MACROD2: variants seen among roughly 807,000 people sequenced by gnomAD.
MACROD2 encodes the protein ADP-ribose glycohydrolase MACROD2.
In MACROD2, 36 loss-of-function variants were observed where a neutral mutation model predicts 70.4. That is an observed-to-expected ratio of 0.51 (90% confidence interval 0.39 to 0.68). The LOEUF is 0.68. Ranked by LOEUF, MACROD2 falls within the 30% of genes least tolerant of loss-of-function variation. The probability of loss-of-function intolerance (pLI) is 0.00; values close to 1 mark genes in which losing one functional copy is unlikely to be tolerated. For missense variants in MACROD2, 496 were observed against 538.4 expected, an observed-to-expected ratio of 0.92 and a Z score of 0.78; for synonymous variants, 172 against 178.8, an observed-to-expected ratio of 0.96 and a Z score of 0.30.
At chr20:15,067,014 G>GA (rs538398938) in intron 5 of MACROD2, among the ~76,000 whole-genome samples, 221 of 151,962 alleles carry the variant, frequency 1.5e-3, no homozygotes, top group African/African-American at 4.8e-3. Context: ...ACAAAGAATG[G>GA]AAAAAAAGTA....
rs979484964 is a variant in MACROD2, at chr20:14,551,567, A to T, written c.301+58059A>T. ...GCCAGGTGGCCTGGTGTACAGATTGATTGAGGGTGATCACTACTGCCCATC... is the reference window on the plus strand; with the variant it reads ...GCCAGGTGGCCTGGTGTACAGATTGTTTGAGGGTGATCACTACTGCCCATC... On this transcript the variant is annotated intron_variant, in intron 4 of 17. Coordinates refer to ENST00000684519, the MANE Select transcript of MACROD2 (RefSeq NM_001351661.2). 1.9e-4 allele frequency among the ~76,000 whole-genome samples: 29 copies of T among 152,172 alleles called. 1 individual carries two copies. The highest frequency in any genetic ancestry group is 4.4e-5 in the Non-Finnish European group (3 of 68,018).
chr20:14,488,500 G>C (rs1167716160), intron 3 of MACROD2, among the ~76,000 whole-genome samples: 2 of 152,096 alleles, frequency 1.3e-5, no homozygotes, highest in Non-Finnish European at 2.9e-5. Context: ...ATTAAGTTAG[G>C]CAATCTTGGG....
chr20:14,573,845 C>T (rs566051292), intron 4 of MACROD2, among the ~76,000 whole-genome samples: 301 of 152,284 alleles, frequency 2.0e-3, no homozygotes, highest in Non-Finnish European at 2.6e-3. Flanking sequence ...CCTTAGTTCA[C>T]TGGTAGGAGC....
intron 3 of MACROD2, among the ~76,000 whole-genome samples, chr20:14,211,167 T>C (rs1385649583): frequency 6.6e-6 from 1 of 152,176 alleles, no homozygotes; most frequent in African/African-American, 2.4e-5. Context: ...AGGAAAGTAA[T>C]TGGGCAAAGA....
At chr20:15,851,558 C>G (rs1025152713) in intron 8 of MACROD2, among the ~76,000 whole-genome samples, 1 of 152,094 alleles carries the variant, frequency 6.6e-6, no homozygotes, top group Non-Finnish European at 1.5e-5. Flanking sequence ...GGCCTATCCC[C>G]GTGACCTCAT....
At chr20:14,923,447 C>G (rs899996230) in intron 5 of MACROD2, among the ~76,000 whole-genome samples, 1 of 152,056 alleles carries the variant, frequency 6.6e-6, no homozygotes, top group Non-Finnish European at 1.5e-5. Context: ...TAATTTATCA[C>G]AACACTTACT....
At chr20:14,245,494 T>A (rs1233268665) in intron 3 of MACROD2, among the ~76,000 whole-genome samples, 2 of 152,130 alleles carry the variant, frequency 1.3e-5, no homozygotes, top group African/African-American at 4.8e-5. Flanking sequence ...AGAGGATGAG[T>A]AACTTGCACA....
intron 6 of MACROD2, among the ~76,000 whole-genome samples, chr20:15,370,584 A>G (rs1343464486): frequency 6.6e-6 from 1 of 152,086 alleles, no homozygotes; most frequent in African/African-American, 2.4e-5. Context: ...AATATATACC[A>G]CCAAAAAAAT....
intron 6 of MACROD2, among the ~76,000 whole-genome samples, chr20:15,249,999 TAAGAA>T (rs980036960): frequency 2.6e-5 from 4 of 152,226 alleles, no homozygotes; most frequent in African/African-American, 4.8e-5. Context: ...CTTATCTACT[TAAGAA>T]AAGAAACTTT....
Position 15,058,265 on chromosome 20 carries a change from T to C in MACROD2, c.419-171675T>C, listed in dbSNP as rs149377820. ...AGTTCTTATTTGAAAGCTGGCTTCA[T>C]GCTCTTACAGTTTCTTCATAGACTG... On this transcript the variant is annotated intron_variant, in intron 5 of 17. Transcript: ENST00000684519. Among the ~76,000 whole-genome samples, 37 of 152,286 alleles carry C rather than the reference T, an allele frequency of 2.4e-4. No homozygotes were observed. In the East Asian group the frequency reaches 6.8e-3, roughly 28 times the overall value.
chr20:15,694,915 C>A (rs1168532772), intron 8 of MACROD2, among the ~76,000 whole-genome samples: 1 of 152,058 alleles, frequency 6.6e-6, no homozygotes, highest in Non-Finnish European at 1.5e-5. Flanking sequence ...GATGAGGATC[C>A]AGTTTCATTC....
intron 5 of MACROD2, among the ~76,000 whole-genome samples, chr20:15,131,361 C>T (rs551430451): frequency 4.5e-4 from 69 of 152,000 alleles, no homozygotes; most frequent in African/African-American, 7.2e-4. Flanking sequence ...TGGCAAAAAC[C>T]GCAATTACTT....
At chr20:15,334,610 C>T (rs1292724988) in intron 6 of MACROD2, among the ~76,000 whole-genome samples, 3 of 151,168 alleles carry the variant, frequency 2.0e-5, no homozygotes, top group Non-Finnish European at 2.9e-5. Context: ...CTGCAAAGTG[C>T]CATTCAAATG....
rs577477810 is a variant in MACROD2 at position 15,943,788 on chromosome 20, A to G, written c.907+6244A>G. 1.4e-4 allele frequency among the ~76,000 whole-genome samples: 21 copies of G among 152,246 alleles called. No individual in the cohort carries two copies. The East Asian group carries it at 3.9e-3, about 28-fold the overall frequency. On this transcript the variant is annotated intron_variant, in intron 12 of 17. Coordinates refer to ENST00000684519, the MANE Select transcript of MACROD2 (RefSeq NM_001351661.2). ...TTATACAATCCCTTTAAAAGGTAGT[A>G]TTTATCATATTTTTAATATAAAAAT...
At chr20:15,119,067 T>C (rs554715888) in intron 5 of MACROD2, among the ~76,000 whole-genome samples, 25 of 152,320 alleles carry the variant, frequency 1.6e-4, no homozygotes, top group African/African-American at 5.8e-4. Context: ...ATTTTTAAAA[T>C]CCTTGGGAAC....
At chr20:14,956,763 G>A (rs767096222) in intron 5 of MACROD2, among the ~76,000 whole-genome samples, 17 of 152,120 alleles carry the variant, frequency 1.1e-4, no homozygotes, top group Admixed American at 2.0e-4. Context: ...ATTGCTAGAG[G>A]ACAAGCGTAA....
rs1040295512 is a variant in MACROD2, at chr20:15,096,075, A to G, written c.419-133865A>G. 2.0e-5 allele frequency among the ~76,000 whole-genome samples: 3 copies of G among 152,246 alleles called. No individual in the cohort carries two copies. The South Asian group carries it at 6.2e-4, about 32-fold the overall frequency. ...CCCCCAGGTGGACAATTTGGACTTT[A>G]TGCAGGTGTGCAGTAGTAGAACCGT... On this transcript the variant is annotated intron_variant, in intron 5 of 17. Coordinates refer to ENST00000684519, the MANE Select transcript of MACROD2 (RefSeq NM_001351661.2).
intron 3 of MACROD2, among the ~76,000 whole-genome samples, chr20:14,417,365 G>T (rs1319457477): frequency 6.6e-6 from 1 of 152,158 alleles, no homozygotes; most frequent in Non-Finnish European, 1.5e-5. Context: ...GTTCTTAAAA[G>T]AAATTAAATA....
rs555980428 is a variant in MACROD2, at chr20:14,847,545, T to TA, written c.418+162588dup. On this transcript the variant is annotated intron_variant, in intron 5 of 17. Transcript: ENST00000684519. ...CAGTACAATGCAACACACAGAAGCA[T>TA]AATGTTGAATTTTCATAATAATGTT... is the stretch of plus-strand genomic sequence containing the variant. 4.3e-3 allele frequency among the ~76,000 whole-genome samples: 641 copies of TA among 148,020 alleles called. 8 individuals carry two copies. Among genetic ancestry groups the TA allele is most frequent in the African/African-American group, 0.015 (603 of 39,844 alleles).
Sources: gnomAD v4.1 joint callset for allele counts (sites outside exome capture counted in the v4.1 genomes callset) on GRCh38, gnomAD v4.1.1 for gene constraint, MANE v1.5 for transcripts, NCBI Gene and HGNC (gene_info 2026-07-23, HGNC 2026-07-21) for gene names.